The following KANK1 variants were observed in gnomAD, a reference collection of about 807,000 sequenced individuals.
KANK1 encodes KN motif and ankyrin repeat domains 1.
KANK1 carries 109 observed loss-of-function variants against 106.2 expected under a neutral mutation model. That is an observed-to-expected ratio of 1.03 (90% CI 0.88 to 1.20). The LOEUF (loss-of-function observed/expected upper bound fraction) is 1.20. Ranked by LOEUF, KANK1 falls within the 50% of genes most tolerant of loss-of-function variation. The pLI is 0.00. For missense variants in KANK1, 2,399 were observed against 1,710.7 expected, an observed-to-expected ratio of 1.40 and a Z score of -7.10; for synonymous variants, 873 against 652.2, an observed-to-expected ratio of 1.34 and a Z score of -5.16.
intron 1 of KANK1, among the ~76,000 whole-genome samples, chr9:641,120 A>G (rs949711359): frequency 6.6e-6 from 1 of 152,208 alleles, no homozygotes; most frequent in Admixed American, 6.5e-5. Flanking sequence ...CATTTATACC[A>G]GTGATATACT....
chr9:745,393 G>T lies in KANK1; in HGVS notation c.*158G>T, dbSNP rs973440847. The T allele has an allele frequency of 3.5e-6, 3 of 864,484 alleles. No individual in the cohort carries two copies. The highest frequency in any genetic ancestry group is 5.5e-6 in the Non-Finnish European group (3 of 545,330). The allele number at this position is 864,484 out of a possible 1,614,324, so 53.6% of individuals were successfully genotyped here. ...AAGGCTGAAGCTTTCACAGTGCAGA[G>T]ACTGCTAGCCTGGGCACACACACCT... On this transcript the variant is annotated 3_prime_UTR_variant, in exon 12 of 12. Transcript: ENST00000382297.
intron 1 of KANK1, among the ~76,000 whole-genome samples, chr9:548,001 AGTT>A (rs1349272591): frequency 6.6e-6 from 1 of 152,190 alleles, no homozygotes; most frequent in Non-Finnish European, 1.5e-5. Flanking sequence ...CATCTGTTTA[AGTT>A]GTCTATACCA....
intron 6 of KANK1, chr9:732,826 CT>C (rs1832689524): frequency 4.4e-6 from 2 of 454,968 alleles, no homozygotes; most frequent in South Asian, 1.1e-4. Context: ...CCTAATCACC[CT>C]TGTTTTCTGA....
At chr9:533,927 C>T (rs1437556657) in intron 1 of KANK1, among the ~76,000 whole-genome samples, 2 of 152,114 alleles carry the variant, frequency 1.3e-5, no homozygotes, top group South Asian at 2.1e-4. Context: ...TTTACGAGGA[C>T]CTGGAGATTG....
intron 1 of KANK1, among the ~76,000 whole-genome samples, chr9:542,067 C>T (rs78032619): frequency 0.05 from 7,595 of 150,640 alleles, 503 homozygotes; most frequent in East Asian, 0.31. Flanking sequence ...CCAGCCTGGG[C>T]GACAGAGCGA....
chr9:564,766 T>G (rs577153310), intron 1 of KANK1, among the ~76,000 whole-genome samples: 143 of 152,372 alleles, frequency 9.4e-4, no homozygotes, highest in African/African-American at 3.2e-3. Context: ...TCTCTGTGCT[T>G]CTTAATTCAT....
intron 1 of KANK1, among the ~76,000 whole-genome samples, chr9:647,370 G>C (rs10975562): frequency 0.37 from 54,927 of 150,250 alleles, 12,259 homozygotes; most frequent in African/African-American, 0.56. Flanking sequence ...CTGTGTTGTA[G>C]TTTTATTATA....
intron 1 of KANK1, among the ~76,000 whole-genome samples, chr9:551,886 A>AC (rs1014766942): frequency 1.4e-5 from 2 of 146,572 alleles, no homozygotes; most frequent in African/African-American, 5.0e-5. Flanking sequence ...TGTTTCTACA[A>AC]AAAAAAAAAA....
At chr9:672,446 T>C (rs1325012100) in intron 1 of KANK1, among the ~76,000 whole-genome samples, 1 of 152,226 alleles carries the variant, frequency 6.6e-6, no homozygotes, top group Non-Finnish European at 1.5e-5. Context: ...TAGTGACATC[T>C]TTTTTATTAG....
chr9:593,727 C>G (rs1283508924), intron 1 of KANK1, among the ~76,000 whole-genome samples: 1 of 151,778 alleles, frequency 6.6e-6, no homozygotes, highest in East Asian at 1.9e-4. Context: ...ATTTCCATCC[C>G]ACGACAGAGG....
chr9:635,110 A>G (rs1836771916), intron 1 of KANK1, among the ~76,000 whole-genome samples: 1 of 152,166 alleles, frequency 6.6e-6, no homozygotes, highest in Non-Finnish European at 1.5e-5. Flanking sequence ...GGTAACCAGC[A>G]TGGGGGAACA....
At chr9:615,482 A>C (rs960899650) in intron 1 of KANK1, among the ~76,000 whole-genome samples, 5 of 152,188 alleles carry the variant, frequency 3.3e-5, no homozygotes, top group Admixed American at 3.3e-4. Context: ...GCTAGTTAAG[A>C]AGAGGGGGAA....
intron 3 of KANK1, among the ~76,000 whole-genome samples, chr9:723,686 A>G (rs1017264071): frequency 6.6e-6 from 1 of 152,178 alleles, no homozygotes; most frequent in Non-Finnish European, 1.5e-5. Flanking sequence ...AAAAATTTTA[A>G]GTTGTATTTA....
intron 1 of KANK1, among the ~76,000 whole-genome samples, chr9:634,900 C>G (rs1229299835): frequency 6.6e-6 from 1 of 152,218 alleles, no homozygotes; most frequent in African/African-American, 2.4e-5. Context: ...ACTGGTACAT[C>G]CTGAGACTTG....
At chr9:739,723 A>T (rs1367046058) in intron 8 of KANK1, among the ~76,000 whole-genome samples, 1 of 152,154 alleles carries the variant, frequency 6.6e-6, no homozygotes. Flanking sequence ...CAAATTAAAT[A>T]ATTTTAATTC....
chr9:637,425 T>C (rs1202147486), intron 1 of KANK1, among the ~76,000 whole-genome samples: 2 of 152,214 alleles, frequency 1.3e-5, no homozygotes, highest in Admixed American at 6.5e-5. Context: ...GACTGATAGC[T>C]GATGTCATAA....
intron 1 of KANK1, among the ~76,000 whole-genome samples, chr9:557,037 G>A (rs1241473755): frequency 2.0e-5 from 3 of 151,992 alleles, no homozygotes; most frequent in Admixed American, 6.6e-5. Context: ...CAAATTTCTG[G>A]GCGAGTGTAG....
intron 1 of KANK1, among the ~76,000 whole-genome samples, chr9:515,139 CA>C (rs2059221823): frequency 1.3e-5 from 2 of 151,530 alleles, no homozygotes; most frequent in South Asian, 4.1e-4. Context: ...GTCAGGAGAT[CA>C]AGACCATCCT....
At chr9:669,787 G>A (rs908232620) in intron 1 of KANK1, among the ~76,000 whole-genome samples, 6 of 151,988 alleles carry the variant, frequency 3.9e-5, no homozygotes, top group Non-Finnish European at 8.8e-5. Context: ...AAAGTTTTCT[G>A]TTATTATTTA....
Sources: gnomAD v4.1 joint callset for allele counts (sites outside exome capture counted in the v4.1 genomes callset) on GRCh38, gnomAD v4.1.1 for gene constraint, MANE v1.5 for transcripts, NCBI Gene and HGNC (gene_info 2026-07-23, HGNC 2026-07-21) for gene names.